The following USH2A variants were observed in gnomAD, a reference collection of about 807,000 sequenced individuals.
The protein encoded by USH2A is usherin, also known as Usher syndrome 2A (autosomal recessive, mild).
USH2A carries 443 observed loss-of-function variants against 538.9 expected under a neutral mutation model. The ratio of observed to expected loss-of-function variants is 0.82; its 90% CI spans 0.76 to 0.89. The LOEUF (loss-of-function observed/expected upper bound fraction) is 0.89. Ranked by LOEUF, USH2A falls within the 40% of genes least tolerant of loss-of-function variation. USH2A has a pLI of 0.00. For synonymous variants in USH2A, 2,413 were observed against 2,273.5 expected (o/e 1.06, Z -1.75); for missense variants, 6,633 against 6,324.8 (o/e 1.05, Z -1.65).
chr1:215,844,131 C>A (rs1197052113), intron 46 of USH2A, among the ~76,000 whole-genome samples, 163 bp downstream of exon 46: 1 of 152,148 alleles, frequency 6.6e-6, no homozygotes, highest in Non-Finnish European at 1.5e-5. Context: ...TGTTTGCCTA[C>A]AGCACACAGA....
At chr1:215,965,923 TCACACA>T (rs34484768) in intron 36 of USH2A, among the ~76,000 whole-genome samples, 2,196 of 142,552 alleles carry the variant, frequency 0.015, 43 homozygotes, top group Admixed American at 0.047. Context: ...CTCTTCTCTG[TCACACA>T]CACACACACA....
At chr1:216,143,590 C>G (rs1028318790) in intron 21 of USH2A, among the ~76,000 whole-genome samples, 1 of 151,854 alleles carries the variant, frequency 6.6e-6, no homozygotes, top group African/African-American at 2.4e-5. Context: ...TTTAAAGAAC[C>G]CAATAAAATT....
intron 55 of USH2A, among the ~76,000 whole-genome samples, chr1:215,774,896 C>T (rs182721870): frequency 0.018 from 2,660 of 145,154 alleles, 53 homozygotes; most frequent in Non-Finnish European, 0.026. Flanking sequence ...TGATGCCACA[C>T]TTTTTTTTTT....
intron 3 of USH2A, among the ~76,000 whole-genome samples, chr1:216,366,418 G>A (rs1022313781): frequency 2.0e-5 from 3 of 151,936 alleles, no homozygotes; most frequent in Non-Finnish European, 2.9e-5. Context: ...CAGCATGTTT[G>A]GGAGATCTCT....
At position 216,121,225 on chromosome 1, in the gene USH2A, A is replaced by G. The variant is rs898389795; in HGVS notation, c.4628-24012T>C. On this transcript the variant is annotated intron_variant, in intron 21 of 71. Coordinates refer to ENST00000307340, the MANE Select transcript of USH2A (RefSeq NM_206933.4). ...AATTGTTTCCAATGTAAGACTAATA[A>G]TATTATGTTAAAGCTGCTAAAAGGT... is the stretch of plus-strand genomic sequence containing the variant. Among the ~76,000 whole-genome samples, 106 of 65,798 alleles carry G rather than the reference A, an allele frequency of 1.6e-3. 2 individuals are homozygous for G. Among genetic ancestry groups the G allele is most frequent in the Middle Eastern group, 7.8e-3 (1 of 128 alleles). 43.2% of individuals were successfully genotyped at this position (65,798 alleles called of 152,430 possible).
chr1:216,089,518 C>A (rs756110184), intron 22 of USH2A, among the ~76,000 whole-genome samples: 1 of 151,994 alleles, frequency 6.6e-6, no homozygotes, highest in African/African-American at 2.4e-5. Flanking sequence ...AAATTTAAAA[C>A]TCATAAAATA....
intron 19 of USH2A, among the ~76,000 whole-genome samples, chr1:216,194,402 C>G (rs1039012199): frequency 1.3e-5 from 2 of 152,062 alleles, no homozygotes; most frequent in African/African-American, 4.8e-5. Flanking sequence ...ATGGATCTTG[C>G]TGGTCGCCAT....
At chr1:215,635,768 A>G (rs1656461647) in intron 69 of USH2A, among the ~76,000 whole-genome samples, 1 of 151,922 alleles carries the variant, frequency 6.6e-6, no homozygotes, top group Non-Finnish European at 1.5e-5. Flanking sequence ...GTTGGCCAGG[A>G]TGGTCTCAAT....
intron 3 of USH2A, among the ~76,000 whole-genome samples, chr1:216,386,067 G>A (rs944364933): frequency 2.0e-5 from 3 of 152,158 alleles, no homozygotes; most frequent in Non-Finnish European, 2.9e-5. Context: ...TGGACCAAGA[G>A]CCTAGTTAAC....
At chr1:216,388,678 T>G (rs546145081) in intron 3 of USH2A, among the ~76,000 whole-genome samples, 2 of 152,322 alleles carry the variant, frequency 1.3e-5, no homozygotes, top group South Asian at 4.1e-4. Flanking sequence ...GCAAATGCAG[T>G]GTTAACAGAG....
chr1:216,376,277 C>G (rs1259897750), intron 3 of USH2A, among the ~76,000 whole-genome samples: 1 of 152,016 alleles, frequency 6.6e-6, no homozygotes, highest in Non-Finnish European at 1.5e-5. Context: ...ACAAGGTGAG[C>G]TAGCAACTAC....
intron 21 of USH2A, among the ~76,000 whole-genome samples, chr1:216,152,674 C>T (rs546509913): frequency 1.3e-5 from 2 of 152,270 alleles, no homozygotes; most frequent in South Asian, 2.1e-4. Context: ...GGTCTCTTCA[C>T]ACGGACACGC....
At chr1:216,046,289 T>C (rs1224107736) in intron 32 of USH2A, 142 bp downstream of exon 32, 2 of 829,512 alleles carry the variant, frequency 2.4e-6, no homozygotes, top group African/African-American at 3.5e-5. Flanking sequence ...AATTGTTCTG[T>C]TGTTATTTTT....
chr1:216,104,188 G>A (rs2032666176), intron 21 of USH2A, among the ~76,000 whole-genome samples: 1 of 151,772 alleles, frequency 6.6e-6, no homozygotes, highest in Admixed American at 6.6e-5. Context: ...TTTACATTAG[G>A]TATATCTCCA....
intron 47 of USH2A, among the ~76,000 whole-genome samples, chr1:215,819,886 A>G (rs1323498371): frequency 6.6e-6 from 1 of 151,836 alleles, no homozygotes; most frequent in African/African-American, 2.4e-5. Context: ...CATTAGAGCC[A>G]ACTGGAGAGA....
At chr1:216,222,453 CT>C (rs1198650407) in intron 14 of USH2A, among the ~76,000 whole-genome samples, 3 of 152,212 alleles carry the variant, frequency 2.0e-5, no homozygotes, top group African/African-American at 7.2e-5. Flanking sequence ...AGTTCTAATC[CT>C]CCAAACTTGT....
intron 23 of USH2A, 116 bp from the exon 24 acceptor site, chr1:216,086,936 C>T: frequency 1.3e-6 from 1 of 748,014 alleles, no homozygotes; most frequent in South Asian, 1.5e-5. Context: ...GTTTTCCTCT[C>T]TCCTCATTGC....
At chr1:216,156,295 C>CTTTTTTTTTT (rs35698520) in intron 21 of USH2A, among the ~76,000 whole-genome samples, 3 of 105,522 alleles carry the variant, frequency 2.8e-5, no homozygotes, top group African/African-American at 7.2e-5. Flanking sequence ...TTTTTTTTTT[C>CTTTTTTTTTT]TTTTTTTTTT....
At position 215,666,692 on chromosome 1, in the gene USH2A, C is replaced by T. The variant is rs930020045; in HGVS notation, c.14133+4280G>A. On this transcript the variant is annotated intron_variant, in intron 64 of 71. Coordinates refer to ENST00000307340, the MANE Select transcript of USH2A (RefSeq NM_206933.4). ...TGAGAACCACTGATTCAGAAAATCA[C>T]CGCTTGAAAATAAGGCTTAAGTAGC... Among the ~76,000 whole-genome samples, 9 of 152,280 alleles carry T rather than the reference C, an allele frequency of 5.9e-5. No individual in the cohort carries two copies. In the South Asian group the frequency reaches 6.2e-4, roughly 11 times the overall value.
Sources: allele counts gnomAD v4.1 joint callset (sites outside exome capture counted in the v4.1 genomes callset), GRCh38; gene constraint gnomAD v4.1.1; transcripts MANE v1.5; gene names NCBI Gene and HGNC (gene_info 2026-07-23, HGNC 2026-07-21).